ZNF407: variants seen among roughly 807,000 people sequenced by gnomAD.
ZNF407 encodes the protein zinc finger protein 407.
ZNF407 carries 17 observed loss-of-function variants against 131.2 expected under a neutral mutation model. That is an observed-to-expected ratio of 0.13 (90% CI 0.09 to 0.19). The LOEUF (loss-of-function observed/expected upper bound fraction) is 0.19. Ranked by LOEUF, ZNF407 falls within the 10% of genes least tolerant of loss-of-function variation. The pLI is 1.00. For synonymous variants in ZNF407, 1,156 were observed against 1,062.0 expected (o/e 1.09, Z -1.72); for missense variants, 2,681 against 2,830.6 (o/e 0.95, Z 1.20).
intron 1 of ZNF407, among the ~76,000 whole-genome samples, chr18:74,615,195 T>C (rs1983232746): frequency 6.6e-6 from 1 of 152,206 alleles, no homozygotes. Flanking sequence ...TACCTGCCTT[T>C]TCAAGAGTGA....
At chr18:74,905,452 G>T (rs996834618) in intron 7 of ZNF407, 1 of 152,266 alleles carries the variant, frequency 6.6e-6, no homozygotes, top group African/African-American at 2.4e-5. Flanking sequence ...GGCTGCTCGC[G>T]CAGAGAGCGC....
chr18:74,992,538 C>T (rs79915706), intron 8 of ZNF407, among the ~76,000 whole-genome samples: 4,432 of 152,140 alleles, frequency 0.029, 240 homozygotes, highest in African/African-American at 0.1. Context: ...TGGGGAAATC[C>T]GCATTTCCAT....
chr18:74,744,018 T>C (rs935638316), intron 3 of ZNF407, among the ~76,000 whole-genome samples: 1 of 152,208 alleles, frequency 6.6e-6, no homozygotes, highest in Admixed American at 6.5e-5. Context: ...ATTGTTCTCA[T>C]GGGACCTTTT....
intron 4 of ZNF407, among the ~76,000 whole-genome samples, chr18:74,805,612 A>G (rs891532794): frequency 6.6e-6 from 1 of 152,216 alleles, no homozygotes; most frequent in Non-Finnish European, 1.5e-5. Context: ...TTATCAATAC[A>G]TTTATGATAC....
At chr18:74,916,629 AGTGTGT>A (rs111309427) in intron 7 of ZNF407, among the ~76,000 whole-genome samples, 73 of 59,464 alleles carry the variant, frequency 1.2e-3, no homozygotes, top group African/African-American at 5.2e-3. Context: ...TCGAATCGGG[AGTGTGT>A]GTGTGTGTGT....
At chr18:74,871,028 G>A (rs543617338) in intron 4 of ZNF407, among the ~76,000 whole-genome samples, 20 of 152,168 alleles carry the variant, frequency 1.3e-4, no homozygotes, top group Non-Finnish European at 2.6e-4. Context: ...TCACAATTAT[G>A]ATGCTTATAG....
intron 1 of ZNF407, among the ~76,000 whole-genome samples, chr18:74,598,668 C>G (rs1265037189): frequency 6.6e-6 from 1 of 152,266 alleles, no homozygotes; most frequent in Non-Finnish European, 1.5e-5. Flanking sequence ...CCTAGCCATT[C>G]CCGACTTCAG....
chr18:74,782,034 A>G (rs1298792139), intron 4 of ZNF407, among the ~76,000 whole-genome samples: 9 of 152,180 alleles, frequency 5.9e-5, no homozygotes, highest in African/African-American at 2.2e-4. Flanking sequence ...CTTCTGTATC[A>G]TAATTAGCTT....
intron 4 of ZNF407, among the ~76,000 whole-genome samples, chr18:74,843,631 TATACTC>T (rs1202920291): frequency 2.6e-5 from 4 of 152,228 alleles, no homozygotes; most frequent in Admixed American, 6.5e-5. Flanking sequence ...TCTGTAAACT[TATACTC>T]ATACTGGAGG....
intron 1 of ZNF407, among the ~76,000 whole-genome samples, chr18:74,608,848 T>A (rs1049257524): frequency 3.3e-5 from 5 of 152,238 alleles, no homozygotes; most frequent in African/African-American, 1.2e-4. Flanking sequence ...GTATGTGATA[T>A]AGATATGTCT....
chr18:74,771,996 T>C (rs1969372230), intron 3 of ZNF407, among the ~76,000 whole-genome samples: 1 of 152,250 alleles, frequency 6.6e-6, no homozygotes, highest in African/African-American at 2.4e-5. Flanking sequence ...TTCATTTTTC[T>C]TACTTTCTAT....
At chr18:74,727,595 C>T (rs1376414685) in intron 3 of ZNF407, among the ~76,000 whole-genome samples, 1 of 152,116 alleles carries the variant, frequency 6.6e-6, no homozygotes, top group Non-Finnish European at 1.5e-5. Context: ...TGTTTTGCCA[C>T]CAACTGATTA....
Position 74,960,193 on chromosome 18 carries a change from G to T in ZNF407, c.5428+39501G>T, listed in dbSNP as rs548755126. 6.0e-4 allele frequency among the ~76,000 whole-genome samples: 92 copies of T among 152,280 alleles called. 1 individual carries two copies. Among genetic ancestry groups the T allele is most frequent in the African/African-American group, 2.1e-3 (88 of 41,554 alleles). On this transcript the variant is annotated intron_variant, in intron 8 of 8. Transcript: ENST00000299687. ...ATGAGATGACAAATGTAGAGGACTG[G>T]GTGGAGGGATAGGAGAAGGTCCTGA...
chr18:74,606,731 G>C (rs192562313), intron 1 of ZNF407, among the ~76,000 whole-genome samples: 2 of 152,338 alleles, frequency 1.3e-5, no homozygotes, highest in Admixed American at 1.3e-4. Context: ...TTTCAAAGTA[G>C]ACTTGATATA....
chr18:74,937,774 AC>A (rs1176698588), intron 8 of ZNF407, among the ~76,000 whole-genome samples: 1 of 152,228 alleles, frequency 6.6e-6, no homozygotes, highest in Non-Finnish European at 1.5e-5. Flanking sequence ...TTTTTTGATC[AC>A]CAGGCAGGGG....
chr18:74,636,473 G>T (rs760821290), intron 2 of ZNF407, among the ~76,000 whole-genome samples: 17 of 152,000 alleles, frequency 1.1e-4, no homozygotes, highest in Non-Finnish European at 2.4e-4. Context: ...ATTGTGCTCC[G>T]CTTAGACAAG....
chr18:75,004,238 A>G (rs1263010742), intron 8 of ZNF407, among the ~76,000 whole-genome samples: 1 of 152,174 alleles, frequency 6.6e-6, no homozygotes, highest in Non-Finnish European at 1.5e-5. Context: ...AGAGAATAAG[A>G]GCGTCTCTAG....
intron 7 of ZNF407, among the ~76,000 whole-genome samples, chr18:74,917,181 A>C (rs1971784067): frequency 6.6e-6 from 1 of 152,190 alleles, no homozygotes; most frequent in African/African-American, 2.4e-5. Context: ...TACTACAAGC[A>C]GTCTTAGATT....
At chr18:74,882,341 C>T (rs1971250250) in intron 6 of ZNF407, among the ~76,000 whole-genome samples, 1 of 152,144 alleles carries the variant, frequency 6.6e-6, no homozygotes, top group African/African-American at 2.4e-5. Flanking sequence ...GATGATAAGT[C>T]ACTTGATGAC....
Sources: gnomAD v4.1 joint callset for allele counts (sites outside exome capture counted in the v4.1 genomes callset) on GRCh38, gnomAD v4.1.1 for gene constraint, MANE v1.5 for transcripts, NCBI Gene and HGNC (gene_info 2026-07-23, HGNC 2026-07-21) for gene names.